SNAP91: variants seen among roughly 807,000 people sequenced by gnomAD.
SNAP91 encodes clathrin coat assembly protein AP180.
A neutral mutation model predicts 100.3 loss-of-function variants in SNAP91; 27 were observed. That is an observed-to-expected ratio of 0.27 (90% CI 0.20 to 0.37). The LOEUF is 0.37. Among genes scored for constraint, SNAP91 ranks in the 10% least tolerant of loss-of-function variants. SNAP91 has a pLI of 1.00. For missense variants in SNAP91, 986 were observed against 1,123.7 expected, an observed-to-expected ratio of 0.88 and a Z score of 1.75; for synonymous variants, 404 against 398.6, an observed-to-expected ratio of 1.01 and a Z score of -0.16.
intron 2 of SNAP91, among the ~76,000 whole-genome samples, chr6:83,696,027 C>G (rs1251925095): frequency 1.3e-5 from 2 of 152,162 alleles, no homozygotes; most frequent in Non-Finnish European, 2.9e-5. Flanking sequence ...AGTCTCCAAT[C>G]AGCCTCCTAT....
At chr6:83,559,797 T>C (rs1376700546) in intron 28 of SNAP91, among the ~76,000 whole-genome samples, 2 of 152,222 alleles carry the variant, frequency 1.3e-5, no homozygotes, top group Non-Finnish European at 2.9e-5. Flanking sequence ...ATACTAAAAC[T>C]ACAGACCAGA....
chr6:83,661,345 A>AG (rs1253598615), intron 5 of SNAP91, among the ~76,000 whole-genome samples, 157 bp downstream of exon 5: 2 of 152,222 alleles, frequency 1.3e-5, no homozygotes, highest in Admixed American at 6.5e-5. Flanking sequence ...TGCAACTTCA[A>AG]GGCTAACTTC....
intron 8 of SNAP91, among the ~76,000 whole-genome samples, chr6:83,640,448 AG>A (rs1435089277): frequency 6.6e-6 from 1 of 152,150 alleles, no homozygotes; most frequent in Admixed American, 6.5e-5. Flanking sequence ...ATTCTTCCAA[AG>A]GACTATAATA....
intron 8 of SNAP91, among the ~76,000 whole-genome samples, chr6:83,624,766 C>T (rs12660842): frequency 0.031 from 4,676 of 152,156 alleles, 363 homozygotes; most frequent in East Asian, 0.19. Context: ...AGCAAAGTCA[C>T]TTGCTGTTGA....
At chr6:83,676,007 A>G (rs2098880428) in intron 2 of SNAP91, among the ~76,000 whole-genome samples, 1 of 151,794 alleles carries the variant, frequency 6.6e-6, no homozygotes, top group Non-Finnish European at 1.5e-5. Flanking sequence ...AGCTGCTGGG[A>G]GGCTGAGGTG....
At chr6:83,575,290 G>T in intron 25 of SNAP91, 169 bp from the exon 26 acceptor site, 1 of 593,840 alleles carries the variant, frequency 1.7e-6, no homozygotes, top group Non-Finnish European at 2.9e-6. Context: ...TTGCCATGCT[G>T]TAACTAAGAA....
intron 22 of SNAP91, among the ~76,000 whole-genome samples, chr6:83,589,535 C>T (rs568898130): frequency 6.6e-6 from 1 of 152,266 alleles, no homozygotes; most frequent in East Asian, 1.9e-4. Flanking sequence ...CATAAGTTCT[C>T]AGCAATATCA....
intron 7 of SNAP91, among the ~76,000 whole-genome samples, chr6:83,650,964 T>G (rs1013167835): frequency 2.0e-5 from 3 of 152,214 alleles, no homozygotes; most frequent in Non-Finnish European, 4.4e-5. Context: ...CCAGGTTGTC[T>G]ATTTCTTCTT....
intron 2 of SNAP91, among the ~76,000 whole-genome samples, chr6:83,666,906 T>C (rs924773287): frequency 6.6e-6 from 1 of 152,048 alleles, no homozygotes; most frequent in Non-Finnish European, 1.5e-5. Flanking sequence ...CTGCTGGGTG[T>C]TCAGAATAGA....
intron 8 of SNAP91, among the ~76,000 whole-genome samples, chr6:83,632,120 T>C: frequency 6.6e-6 from 1 of 152,136 alleles, no homozygotes; most frequent in East Asian, 1.9e-4. Context: ...TTAGTTTCAC[T>C]GGATACAAAA....
chr6:83,651,136 T>C (rs2098185702), intron 7 of SNAP91, among the ~76,000 whole-genome samples: 1 of 152,162 alleles, frequency 6.6e-6, no homozygotes, highest in African/African-American at 2.4e-5. Context: ...GTAATTTGTG[T>C]CCTCTTTTTT....
chr6:83,621,761 T>C (rs2096738158), intron 9 of SNAP91, among the ~76,000 whole-genome samples: 1 of 152,094 alleles, frequency 6.6e-6, no homozygotes, highest in Non-Finnish European at 1.5e-5. Context: ...TGAGGACCTA[T>C]ATTCTTAACT....
chr6:83,668,885 A>T (rs2098734290), intron 2 of SNAP91, among the ~76,000 whole-genome samples: 1 of 152,022 alleles, frequency 6.6e-6, no homozygotes, highest in African/African-American at 2.4e-5. Flanking sequence ...GTAACATCTT[A>T]TACACCCACT....
In SNAP91 at chr6:83,661,518, C is replaced by A; in HGVS notation, c.436G>T (p.Ala146Ser). The stretch of plus-strand genomic sequence containing the variant: ...AAAACATACCCTTTCTTCACCCTGG[C>A]AAAATCAAAGGCCATCTGTCTGTAA... ...FSYRQMAFDF[A>S]RVKKGADGVM... Residue 146 changes from alanine to serine, a missense_variant, in exon 5 of 30, where the codon GCC becomes TCC. Around this residue, in one of 4 missense-constraint regions of SNAP91, gnomAD observed 330 missense variants for 447.5 expected, o/e 0.74. Coordinates refer to ENST00000369694, the MANE Select transcript of SNAP91 (RefSeq NM_001242792.2). 1 of 1,606,030 alleles carries A rather than the reference C, an allele frequency of 6.2e-7. No homozygotes were observed. Among genetic ancestry groups the A allele is most frequent in the South Asian group, 1.1e-5 (1 of 89,916 alleles).
At chr6:83,617,142 C>A in intron 9 of SNAP91, 103 bp from the exon 10 acceptor site, 2 of 602,554 alleles carry the variant, frequency 3.3e-6, no homozygotes, top group South Asian at 5.2e-5. Context: ...GGATGGACCC[C>A]GATATATATG....
At chr6:83,686,278 T>G (rs1363404815) in intron 2 of SNAP91, 1 of 739,746 alleles carries the variant, frequency 1.4e-6, no homozygotes, top group Non-Finnish European at 1.7e-6. Flanking sequence ...GGTTACTCAG[T>G]TAAGCACTAT....
intron 7 of SNAP91, among the ~76,000 whole-genome samples, chr6:83,655,721 C>G (rs2098385810): frequency 2.0e-5 from 3 of 152,140 alleles, no homozygotes; most frequent in Non-Finnish European, 4.4e-5. Flanking sequence ...ACTCCATTAT[C>G]AAAAGAAGCA....
At chr6:83,672,977 T>G (rs1378658897) in intron 2 of SNAP91, among the ~76,000 whole-genome samples, 1 of 152,120 alleles carries the variant, frequency 6.6e-6, no homozygotes, top group East Asian at 1.9e-4. Context: ...TATTTTATAA[T>G]CATCTTGTAA....
At chr6:83,665,626 G>A (rs1472621980) in intron 2 of SNAP91, 45 bp from the exon 3 acceptor site, 1 of 1,556,708 alleles carries the variant, frequency 6.4e-7, no homozygotes, top group Non-Finnish European at 8.7e-7. Context: ...ACAATTACAT[G>A]CAAAAATTCA....
Sources: allele counts gnomAD v4.1 joint callset (sites outside exome capture counted in the v4.1 genomes callset), GRCh38; gene constraint gnomAD v4.1.1; regional missense constraint gnomAD v4.1.1; transcripts MANE v1.5; gene names NCBI Gene and HGNC (gene_info 2026-07-23, HGNC 2026-07-21).